Variants in KCNH8 observed in about 807,000 individuals in gnomAD.
KCNH8 encodes the protein voltage-gated delayed rectifier potassium channel KCNH8.
In KCNH8, 70 loss-of-function variants were observed where a neutral mutation model predicts 103.6. The observed-to-expected ratio is 0.68, with a 90% CI of 0.56 to 0.82. KCNH8 has a LOEUF of 0.82. Among genes scored for constraint, KCNH8 ranks in the 40% least tolerant of loss-of-function variants. The pLI is 0.00. For synonymous variants in KCNH8, 498 were observed against 489.4 expected (o/e 1.02, Z -0.23); for missense variants, 1,217 against 1,329.9 (o/e 0.92, Z 1.32).
At chr3:19,345,557 T>C (rs2125318765) in intron 4 of KCNH8, among the ~76,000 whole-genome samples, 1 of 152,190 alleles carries the variant, frequency 6.6e-6, no homozygotes, top group East Asian at 1.9e-4. Flanking sequence ...GCAAACTCCA[T>C]GTTTGACAGT....
At chr3:19,449,391 G>C (rs1278194072) in intron 8 of KCNH8, among the ~76,000 whole-genome samples, 1 of 151,080 alleles carries the variant, frequency 6.6e-6, no homozygotes, top group Admixed American at 6.6e-5. Flanking sequence ...GAATTCATTT[G>C]TTTCTTGAAT....
chr3:19,148,534 G>A lies in KCNH8; in HGVS notation c.-186G>A, dbSNP rs2063097450. The A allele has an allele frequency of 6.5e-6, 4 of 618,078 alleles. No homozygotes were observed. Among genetic ancestry groups the A allele is most frequent in the Non-Finnish European group, 1.2e-5 (4 of 345,366 alleles). The allele number at this position is 618,078 out of a possible 1,614,324, so 38.3% of individuals were successfully genotyped here. ...CGCTCTTGGGGCTCCTCCTGCCACA[G>A]CCGGGGCGGCTGGAACTCTCTCCCT... On this transcript the variant is annotated 5_prime_UTR_variant, in exon 1 of 16. Transcript: ENST00000328405.
At chr3:19,465,186 C>T (rs1015864786) in intron 11 of KCNH8, among the ~76,000 whole-genome samples, 1 of 152,130 alleles carries the variant, frequency 6.6e-6, no homozygotes, top group Non-Finnish European at 1.5e-5. Flanking sequence ...TTCAAATCTT[C>T]AAAGGACAGA....
intron 1 of KCNH8, among the ~76,000 whole-genome samples, chr3:19,223,459 T>A (rs1002167497): frequency 2.6e-5 from 4 of 152,188 alleles, no homozygotes; most frequent in African/African-American, 7.2e-5. Flanking sequence ...CATATTTTTT[T>A]AAAATAAAGT....
intron 11 of KCNH8, among the ~76,000 whole-genome samples, chr3:19,483,197 C>T (rs1043543092): frequency 2.0e-5 from 3 of 152,124 alleles, no homozygotes; most frequent in African/African-American, 7.2e-5. Context: ...TTCGCATAAG[C>T]TCTATGCCCA....
At chr3:19,413,439 C>T (rs994806530) in intron 7 of KCNH8, among the ~76,000 whole-genome samples, 1 of 151,992 alleles carries the variant, frequency 6.6e-6, no homozygotes, top group Non-Finnish European at 1.5e-5. Flanking sequence ...GTACTATGCT[C>T]ACTACGTGGG....
chr3:19,511,372 A>G (rs1366795031), intron 12 of KCNH8, among the ~76,000 whole-genome samples: 1 of 152,186 alleles, frequency 6.6e-6, no homozygotes, highest in African/African-American at 2.4e-5. Flanking sequence ...AAACTTGTAG[A>G]AGTACAAATA....
chr3:19,222,025 A>G (rs1289801857), intron 1 of KCNH8, among the ~76,000 whole-genome samples: 1 of 151,766 alleles, frequency 6.6e-6, no homozygotes, highest in Admixed American at 6.6e-5. Flanking sequence ...TTTTTTTTGT[A>G]TTTTTAGTAG....
rs116125939 is a variant in KCNH8, at chr3:19,490,228, G to A, written c.2041-20135G>A. Among the ~76,000 whole-genome samples, 1,082 of 152,294 alleles carry A rather than the reference G, an allele frequency of 7.1e-3. 7 individuals are homozygous for A. The highest frequency in any genetic ancestry group is 0.014 in the Middle Eastern group (4 of 294). ...ACCTGCTTCCTGGTCAGGAAACCAC[G>A]AAATGTAGCAGGATGAGCTGCAGAC... On this transcript the variant is annotated intron_variant, in intron 11 of 15. Transcript: ENST00000328405.
At chr3:19,517,270 C>T (rs1575166820) in intron 14 of KCNH8, among the ~76,000 whole-genome samples, 1 of 152,196 alleles carries the variant, frequency 6.6e-6, no homozygotes, top group South Asian at 2.1e-4. Context: ...CAAGATATAT[C>T]TGCAAAACAA....
intron 5 of KCNH8, among the ~76,000 whole-genome samples, chr3:19,385,724 C>T (rs922577906): frequency 1.3e-5 from 2 of 152,098 alleles, no homozygotes; most frequent in Non-Finnish European, 2.9e-5. Flanking sequence ...TCTATTCATT[C>T]GTCTCACACC....
intron 1 of KCNH8, among the ~76,000 whole-genome samples, chr3:19,253,374 C>T (rs919581765): frequency 6.6e-6 from 1 of 151,932 alleles, no homozygotes; most frequent in Non-Finnish European, 1.5e-5. Context: ...AGCATCATCC[C>T]TTACTGCCAA....
chr3:19,275,623 C>A (rs2064658625), intron 2 of KCNH8, among the ~76,000 whole-genome samples: 1 of 152,128 alleles, frequency 6.6e-6, no homozygotes, highest in South Asian at 2.1e-4. Context: ...TTCTAAAGAA[C>A]CATTACTTTC....
chr3:19,442,195 CTGT>C (rs1159755749), intron 8 of KCNH8, among the ~76,000 whole-genome samples: 1 of 152,168 alleles, frequency 6.6e-6, no homozygotes, highest in Non-Finnish European at 1.5e-5. Context: ...CCTGTGGTGA[CTGT>C]TTTATATCCA....
At position 19,452,682 on chromosome 3, in the gene KCNH8, C is replaced by T. The variant is rs192113221; in HGVS notation, c.1825+1278C>T. Among the ~76,000 whole-genome samples the T allele has an allele frequency of 2.2e-3, 329 of 152,214 alleles. 3 individuals carry two copies. Among genetic ancestry groups the T allele is most frequent in the Admixed American group, 0.018 (282 of 15,274 alleles). Reference sequence around the variant, plus strand: ...GGGGGTGAATTCAGTACTTTATTTTCAATTTTTAAGAACCTTGTATTTGTA... The same window carrying T: ...GGGGGTGAATTCAGTACTTTATTTTTAATTTTTAAGAACCTTGTATTTGTA... On this transcript the variant is annotated intron_variant, in intron 10 of 15. Transcript: ENST00000328405.
rs180891932 is a variant in KCNH8 at position 19,442,892 on chromosome 3, C to T, written c.1375+4531C>T. 1.1e-3 allele frequency among the ~76,000 whole-genome samples: 164 copies of T among 152,060 alleles called. 1 individual carries two copies. Among genetic ancestry groups the T allele is most frequent in the African/African-American group, 3.7e-3 (155 of 41,496 alleles). On this transcript the variant is annotated intron_variant, in intron 8 of 15. Coordinates refer to ENST00000328405, the MANE Select transcript of KCNH8 (RefSeq NM_144633.3). Reference sequence around the variant, plus strand: ...TATTGAGCACTTTGTTCATTTAATTCTCATAATACTGTGAGATAGAGATTA... The same window carrying T: ...TATTGAGCACTTTGTTCATTTAATTTTCATAATACTGTGAGATAGAGATTA...
intron 11 of KCNH8, among the ~76,000 whole-genome samples, chr3:19,473,276 T>C (rs2067901976): frequency 6.6e-6 from 1 of 152,228 alleles, no homozygotes; most frequent in Admixed American, 6.5e-5. Context: ...TTTCTTTAAC[T>C]TAATTCTATT....
At position 19,281,471 on chromosome 3, in the gene KCNH8, A is replaced by G. The variant is rs1003202154; in HGVS notation, c.442+142A>G. On this transcript the variant is annotated intron_variant, in intron 3 of 15. Transcript: ENST00000328405. ...ACTGTTAGCAGTCAGCATTTGGTGC[A>G]TATTCCAAATCACAGACTCACATGC... 11 of 677,514 alleles carry G rather than the reference A, an allele frequency of 1.6e-5. No homozygotes were observed. The African/African-American group carries it at 1.7e-4, about 10-fold the overall frequency. The allele number at this position is 677,514 out of a possible 1,614,324, so 42.0% of individuals were successfully genotyped here. A position where few individuals can be genotyped will look rare whatever the true frequency, so the allele number is the denominator to read the frequency against.
chr3:19,278,032 T>G (rs747786521), intron 2 of KCNH8, among the ~76,000 whole-genome samples: 4 of 152,132 alleles, frequency 2.6e-5, no homozygotes, highest in African/African-American at 4.8e-5. Context: ...TGAATTGCTC[T>G]TGACTGAAAG....
Sources: gnomAD v4.1 joint callset for allele counts (sites outside exome capture counted in the v4.1 genomes callset) on GRCh38, gnomAD v4.1.1 for gene constraint, MANE v1.5 for transcripts, NCBI Gene and HGNC (gene_info 2026-07-23, HGNC 2026-07-21) for gene names.